The following ADGRB3 variants were observed in gnomAD, a reference collection of about 807,000 sequenced individuals.
ADGRB3 encodes the protein brain-specific angiogenesis inhibitor 3.
ADGRB3 carries 37 observed loss-of-function variants against 193.4 expected under a neutral mutation model. That is an observed-to-expected ratio of 0.19 (90% CI 0.15 to 0.25). The LOEUF is 0.25. ADGRB3 is among the 10% of genes least tolerant of loss of function. ADGRB3 has a pLI of 1.00. For missense variants in ADGRB3, 1,637 were observed against 1,852.9 expected (o/e 0.88, Z 2.14); for synonymous variants, 690 against 644.2 (o/e 1.07, Z -1.08).
chr6:68,720,214 A>C (rs1204071486), intron 3 of ADGRB3, among the ~76,000 whole-genome samples: 1 of 151,574 alleles, frequency 6.6e-6, no homozygotes, highest in Non-Finnish European at 1.5e-5. Context: ...CTGGAAGTTG[A>C]TTTTTCTGGT....
chr6:69,385,116 A>C (rs747947509), intron 31 of ADGRB3, among the ~76,000 whole-genome samples: 1 of 151,922 alleles, frequency 6.6e-6, no homozygotes, highest in Non-Finnish European at 1.5e-5. Flanking sequence ...TTTAAATCAC[A>C]CTAAAAAAGA....
intron 3 of ADGRB3, among the ~76,000 whole-genome samples, chr6:68,893,820 A>G (rs1766146688): frequency 6.6e-6 from 1 of 151,978 alleles, no homozygotes. Flanking sequence ...TAACATTGGA[A>G]TTTATAAACA....
In ADGRB3 at chr6:69,233,295, A is replaced by G; in HGVS notation, c.2486A>G (p.Glu829Gly). 6.2e-7 allele frequency: 1 copy of G among 1,613,560 alleles called. No homozygotes were observed. The highest frequency in any genetic ancestry group is 8.5e-7 in the Non-Finnish European group (1 of 1,179,832). ...CVLWDDSKTNESLGTWSTQGC... is the reference protein window; with the variant it reads ...CVLWDDSKTNGSLGTWSTQGC... ...CCCCTCACTCCCCTTTGCAGGAACG[A>G]GTCTTTGGGAACGTGGTCCACCCAG... is the stretch of plus-strand genomic sequence containing the variant. The change falls in exon 18 of 32, where the codon GAG becomes GGG. Residue 829 changes from glutamate (E) to glycine (G), a missense_variant. Around this residue, in one of 7 missense-constraint regions of ADGRB3, gnomAD observed 641 missense variants for 673.9 expected, o/e 0.95. Coordinates refer to ENST00000370598, the MANE Select transcript of ADGRB3 (RefSeq NM_001704.3).
chr6:68,910,505 C>T (rs1241543503), intron 3 of ADGRB3, among the ~76,000 whole-genome samples: 2 of 152,076 alleles, frequency 1.3e-5, no homozygotes, highest in Non-Finnish European at 2.9e-5. Flanking sequence ...AATGGTATTG[C>T]CTAGGTTTTC....
At chr6:68,770,367 C>T (rs941085024) in intron 3 of ADGRB3, among the ~76,000 whole-genome samples, 1 of 152,134 alleles carries the variant, frequency 6.6e-6, no homozygotes, top group Non-Finnish European at 1.5e-5. Flanking sequence ...TTCTGCATCT[C>T]ATTAGCATCT....
intron 24 of ADGRB3, among the ~76,000 whole-genome samples, chr6:69,334,265 C>A (rs1338401770): frequency 6.6e-6 from 1 of 152,048 alleles, no homozygotes; most frequent in Non-Finnish European, 1.5e-5. Flanking sequence ...AATAGTCCTA[C>A]TAATTGATCA....
intron 3 of ADGRB3, among the ~76,000 whole-genome samples, chr6:68,892,854 G>A (rs2150229802): frequency 6.6e-6 from 1 of 152,212 alleles, no homozygotes; most frequent in African/African-American, 2.4e-5. Context: ...TCAGTTGAAA[G>A]ATGCAATTTG....
intron 3 of ADGRB3, among the ~76,000 whole-genome samples, chr6:68,750,868 C>T (rs1488928846): frequency 6.6e-6 from 1 of 152,196 alleles, no homozygotes; most frequent in East Asian, 1.9e-4. Context: ...TAAGTTACAA[C>T]ATGCCCAACT....
chr6:69,052,047 C>T (rs756331992), intron 15 of ADGRB3, among the ~76,000 whole-genome samples: 4 of 152,136 alleles, frequency 2.6e-5, no homozygotes, highest in South Asian at 2.1e-4. Context: ...CCCACCACCA[C>T]GCCGGGCTAA....
intron 3 of ADGRB3, among the ~76,000 whole-genome samples, chr6:68,848,958 T>G (rs1394100324): frequency 2.6e-5 from 4 of 151,978 alleles, no homozygotes; most frequent in African/African-American, 7.2e-5. Flanking sequence ...TCTCAGTTAA[T>G]AAAAACACCA....
intron 3 of ADGRB3, among the ~76,000 whole-genome samples, chr6:68,700,971 A>G (rs1481563938): frequency 1.3e-5 from 2 of 152,134 alleles, no homozygotes; most frequent in Non-Finnish European, 2.9e-5. Context: ...GAAGTATAAT[A>G]AAGAATAAAA....
intron 3 of ADGRB3, among the ~76,000 whole-genome samples, chr6:68,907,452 A>T (rs1165229976): frequency 6.6e-6 from 1 of 151,826 alleles, no homozygotes; most frequent in East Asian, 1.9e-4. Flanking sequence ...AGCATCCTTG[A>T]TTTGTACTTT....
intron 17 of ADGRB3, among the ~76,000 whole-genome samples, chr6:69,225,152 T>C (rs1414937075): frequency 1.3e-5 from 2 of 152,190 alleles, no homozygotes; most frequent in Non-Finnish European, 2.9e-5. Flanking sequence ...TCTTTTGACT[T>C]TTGTTGATAA....
intron 17 of ADGRB3, among the ~76,000 whole-genome samples, chr6:69,111,927 T>G (rs1249197990): frequency 4.6e-5 from 7 of 152,218 alleles, no homozygotes. Context: ...TGAGTTGTTG[T>G]GGGATAGTCA....
chr6:69,154,269 A>G (rs1774769476), intron 17 of ADGRB3, among the ~76,000 whole-genome samples: 7 of 152,200 alleles, frequency 4.6e-5, no homozygotes, highest in Admixed American at 4.6e-4. Context: ...TTGCAGTAGG[A>G]GACATAATTT....
rs1767491439 is a variant in ADGRB3, at chr6:68,936,577, A to G, written c.927A>G (p.Gln309=). The part of the protein sequence containing the change: ...QWSTCSVTCG[Q]GSQVRTRTCV... Reference sequence around the variant, plus strand: ...GCACATGTTCGGTTACTTGTGGTCAAGGGTCGCAGGTGCGAACCAGAACTT... The same window carrying G: ...GCACATGTTCGGTTACTTGTGGTCAGGGGTCGCAGGTGCGAACCAGAACTT... The change falls in exon 5 of 32, where the codon CAA becomes CAG. Residue 309 remains glutamine (Q), a synonymous_variant. Transcript: ENST00000370598. 1.2e-6 allele frequency: 2 copies of G among 1,613,962 alleles called. No homozygotes were observed. The highest frequency in any genetic ancestry group is 1.3e-5 in the African/African-American group (1 of 74,938).
chr6:69,016,824 G>A (rs1470873094), intron 12 of ADGRB3, among the ~76,000 whole-genome samples: 3 of 151,838 alleles, frequency 2.0e-5, no homozygotes, highest in South Asian at 2.1e-4. Flanking sequence ...AGAAGAGAGT[G>A]GGGTTGAGGG....
intron 10 of ADGRB3, among the ~76,000 whole-genome samples, chr6:68,983,451 A>G (rs903226218): frequency 3.4e-5 from 5 of 149,246 alleles, no homozygotes; most frequent in Non-Finnish European, 7.4e-5. Flanking sequence ...ATATAATTGT[A>G]TAGTATATAA....
rs558470026 is a variant in ADGRB3 at position 68,825,444 on chromosome 6, G to T, written c.758-105115G>T. The stretch of plus-strand genomic sequence containing the variant: ...TTTTCATTTATCTATATAAGGGAAT[G>T]CATACATATATGCATATGTGTCATG... On this transcript the variant is annotated intron_variant, in intron 3 of 31. Transcript: ENST00000370598. Among the ~76,000 whole-genome samples the T allele has an allele frequency of 5.9e-5, 9 of 151,936 alleles. No individual in the cohort carries two copies. In the South Asian group the frequency reaches 1.2e-3, roughly 21 times the overall value.
Sources: allele counts gnomAD v4.1 joint callset (sites outside exome capture counted in the v4.1 genomes callset), GRCh38; gene constraint gnomAD v4.1.1; regional missense constraint gnomAD v4.1.1; transcripts MANE v1.5; gene names NCBI Gene and HGNC (gene_info 2026-07-23, HGNC 2026-07-21).